JAK2: variants seen among roughly 807,000 people sequenced by gnomAD.
JAK2 encodes tyrosine-protein kinase JAK2.
Under a neutral mutation model 139.3 loss-of-function variants are expected in JAK2, and 86 were observed. That is an observed-to-expected ratio of 0.62 (90% confidence interval 0.52 to 0.74). The LOEUF is 0.74. Ranked by LOEUF, JAK2 falls within the 30% of genes least tolerant of loss-of-function variation. The pLI is 0.00. For synonymous variants in JAK2, 490 were observed against 437.7 expected (o/e 1.12, Z -1.49); for missense variants, 1,421 against 1,360.3 (o/e 1.04, Z -0.70).
rs146026576 is a variant in JAK2 at position 5,091,029 on chromosome 9, T to TAAGTC, written c.3059+119_3059+123dup. The TAAGTC allele has an allele frequency of 2.6e-3, 2,052 of 785,708 alleles. 35 individuals are homozygous for TAAGTC. In the African/African-American group the frequency reaches 0.034, roughly 13 times the overall value. 48.7% of individuals were successfully genotyped at this position (785,708 alleles called of 1,614,324 possible). A position where few individuals can be genotyped will look rare whatever the true frequency, so the allele number is the denominator to read the frequency against. On this transcript the variant is annotated intron_variant, in intron 22 of 24. Transcript: ENST00000381652. ...AGTAACAGTGAACATTTAAGTCTTT[T>TAAGTC]AAGTCTTACATTTAACTTTTTTTTT...
intron 3 of JAK2, among the ~76,000 whole-genome samples, chr9:5,025,580 C>G (rs1292081985): frequency 6.7e-6 from 1 of 148,466 alleles, no homozygotes; most frequent in East Asian, 2.0e-4. Context: ...GTTGCCCAGG[C>G]TGGAGTGCAG....
intron 19 of JAK2, among the ~76,000 whole-genome samples, chr9:5,082,490 A>G (rs991335707): frequency 2.3e-4 from 35 of 152,352 alleles, no homozygotes; most frequent in African/African-American, 8.2e-4. Context: ...GAACAAATGT[A>G]TAATTGGGTT....
intron 2 of JAK2, among the ~76,000 whole-genome samples, chr9:4,990,536 TAAGAG>T (rs1468785201): frequency 6.6e-6 from 1 of 151,924 alleles, no homozygotes; most frequent in Admixed American, 6.6e-5. Context: ...CTGTGGTACT[TAAGAG>T]AAAAGAGTGG....
At chr9:5,119,720 G>C (rs1274728710) in intron 22 of JAK2, among the ~76,000 whole-genome samples, 1 of 151,996 alleles carries the variant, frequency 6.6e-6, no homozygotes, top group Non-Finnish European at 1.5e-5. Context: ...TGACTTTGGG[G>C]AATAATTAGA....
intron 22 of JAK2, among the ~76,000 whole-genome samples, chr9:5,104,794 C>A (rs1270915177): frequency 6.6e-6 from 1 of 152,120 alleles, no homozygotes; most frequent in Non-Finnish European, 1.5e-5. Context: ...ATAAACAGAA[C>A]CAATGACAAA....
chr9:5,112,091 C>G (rs1373105214), intron 22 of JAK2: 1 of 364,634 alleles, frequency 2.7e-6, no homozygotes, highest in African/African-American at 2.2e-5. Flanking sequence ...TAGAAGACCA[C>G]CTACCTGAAC....
intron 4 of JAK2, among the ~76,000 whole-genome samples, chr9:5,043,312 TA>T (rs138606449): frequency 1.2e-3 from 170 of 143,312 alleles, no homozygotes; most frequent in Admixed American, 2.4e-3. Context: ...TTAGGGGCTT[TA>T]AAAAAAAAAA....
At chr9:5,111,008 G>A (rs1249427829) in intron 22 of JAK2, 2 of 734,082 alleles carry the variant, frequency 2.7e-6, no homozygotes, top group Non-Finnish European at 4.6e-6. Flanking sequence ...GTTGCCAACG[G>A]GAAGGGCCGG....
intron 6 of JAK2, among the ~76,000 whole-genome samples, chr9:5,052,562 G>T (rs1282354787): frequency 1.3e-5 from 2 of 151,968 alleles, no homozygotes; most frequent in African/African-American, 4.8e-5. Context: ...TATTCACAGG[G>T]TTGTATAAAG....
intron 22 of JAK2, chr9:5,098,660 A>G (rs180795346): frequency 6.6e-6 from 1 of 152,138 alleles, no homozygotes; most frequent in African/African-American, 2.4e-5. Context: ...TATTGAAGCT[A>G]TGAATATATA....
At chr9:5,069,810 T>G (rs936347432) in intron 11 of JAK2, 115 bp from the exon 12 acceptor site, 2 of 505,278 alleles carry the variant, frequency 4.0e-6, no homozygotes, top group Non-Finnish European at 6.5e-6. Flanking sequence ...AAAAGAACAA[T>G]TAGGAGTTAT....
chr9:5,123,494 T>C (rs1823770807), intron 23 of JAK2, among the ~76,000 whole-genome samples: 1 of 152,092 alleles, frequency 6.6e-6, no homozygotes, highest in African/African-American at 2.4e-5. Context: ...TTCGTTGTTA[T>C]GGCTGAATAG....
intron 3 of JAK2, among the ~76,000 whole-genome samples, chr9:5,023,051 C>T (rs1044053758): frequency 1.3e-5 from 2 of 152,160 alleles, no homozygotes; most frequent in Non-Finnish European, 2.9e-5. Context: ...TTGAAAAATA[C>T]AATACATTGT....
rs765871588 is a variant in JAK2 at position 5,054,638 on chromosome 9, G to T, written c.690G>T (p.Arg230Ser). 2 of 1,613,022 alleles carry T rather than the reference G, an allele frequency of 1.2e-6. No individual in the cohort carries two copies. The highest frequency in any genetic ancestry group is 2.7e-5 in the African/African-American group (2 of 74,852). Residue 230 changes from arginine (R) to serine (S), a missense_variant, in exon 7 of 25, where the codon AGG becomes AGT. Coordinates refer to ENST00000381652, the MANE Select transcript of JAK2 (RefSeq NM_004972.4). The surrounding 1 kb of genome is among the most constrained non-coding windows in gnomAD (Gnocchi z 4.9). The stretch of plus-strand genomic sequence containing the variant: ...ATATTTTGACAAGGAAGCGAATAAG[G>T]TACAGATTTCGCAGATTTATTCAGC... ...DYHILTRKRI[R>S]YRFRRFIQQF...
rs765518857 is a variant in JAK2 at position 5,055,760 on chromosome 9, C to T, written c.1028C>T (p.Thr343Ile). 1 of 1,610,710 alleles carries T rather than the reference C, an allele frequency of 6.2e-7. No homozygotes were observed. Among genetic ancestry groups the T allele is most frequent in the South Asian group, 1.1e-5 (1 of 90,836 alleles). The change falls in exon 8 of 25, where the codon ACT becomes ATT. Residue 343 changes from threonine (T) to isoleucine (I), a missense_variant. Transcript: ENST00000381652. Reference sequence around the variant, plus strand: ...GGTTCAAATGAAAGCCGAGTTGTAACTATCCATAAGCAAGATGGTAAAAAT... The same window carrying T: ...GGTTCAAATGAAAGCCGAGTTGTAATTATCCATAAGCAAGATGGTAAAAAT... ...QEGSNESRVVTIHKQDGKNLE... is the reference protein window; with the variant it reads ...QEGSNESRVVIIHKQDGKNLE...
At chr9:5,061,789 C>T (rs531500059) in intron 8 of JAK2, among the ~76,000 whole-genome samples, 4 of 152,302 alleles carry the variant, frequency 2.6e-5, no homozygotes, top group East Asian at 1.9e-4. Flanking sequence ...TAGCTTTCAG[C>T]GTGTGTTGGC....
intron 5 of JAK2, among the ~76,000 whole-genome samples, chr9:5,049,803 A>G (rs892961210): frequency 6.6e-6 from 1 of 152,202 alleles, no homozygotes. Flanking sequence ...GTATATGCCT[A>G]GTCTGTATGG....
At chr9:5,073,323 CAAGT>C (rs1399141504) in intron 13 of JAK2, among the ~76,000 whole-genome samples, 1 of 152,190 alleles carries the variant, frequency 6.6e-6, no homozygotes, top group Non-Finnish European at 1.5e-5. Flanking sequence ...AATTCTTTAG[CAAGT>C]GTTATTTAAA....
At chr9:5,017,886 A>T (rs1359035782) in intron 2 of JAK2, among the ~76,000 whole-genome samples, 1 of 152,146 alleles carries the variant, frequency 6.6e-6, no homozygotes, top group African/African-American at 2.4e-5. Context: ...TTCTAGAATT[A>T]CCTTGTCTCT....
Sources: allele counts gnomAD v4.1 joint callset (sites outside exome capture counted in the v4.1 genomes callset), GRCh38; gene constraint gnomAD v4.1.1; non-coding constraint Gnocchi (gnomAD v3.1); transcripts MANE v1.5; gene names NCBI Gene and HGNC (gene_info 2026-07-23, HGNC 2026-07-21).